GRM1: variants seen among roughly 807,000 people sequenced by gnomAD.
GRM1 encodes the protein glutamate metabotropic receptor 1, also known as metabotropic glutamate receptor 1.
In GRM1, 33 loss-of-function variants were observed where a neutral mutation model predicts 90.9. The observed-to-expected ratio is 0.36, with a 90% CI of 0.28 to 0.49. The LOEUF is 0.49. Among genes scored for constraint, GRM1 ranks in the 20% least tolerant of loss-of-function variants. The pLI is 0.99. For missense variants in GRM1, 1,190 were observed against 1,534.3 expected (o/e 0.78, Z 3.75); for synonymous variants, 700 against 613.2 (o/e 1.14, Z -2.09).
intron 5 of GRM1, among the ~76,000 whole-genome samples, chr6:146,386,053 A>G (rs1000194188): frequency 6.6e-6 from 1 of 152,124 alleles, no homozygotes; most frequent in African/African-American, 2.4e-5. Flanking sequence ...GTATTTAACC[A>G]TACTGATTAT....
At chr6:146,389,733 A>G (rs982931669) in intron 6 of GRM1, among the ~76,000 whole-genome samples, 6 of 152,152 alleles carry the variant, frequency 3.9e-5, no homozygotes, top group Non-Finnish European at 8.8e-5. Context: ...AACAACAGGC[A>G]TGCAGCTGCG....
intron 2 of GRM1, among the ~76,000 whole-genome samples, chr6:146,298,387 G>A (rs1783260726): frequency 6.6e-6 from 1 of 152,100 alleles, no homozygotes; most frequent in Non-Finnish European, 1.5e-5. Flanking sequence ...AAAAATAGGT[G>A]GTAATAGAAA....
intron 2 of GRM1, among the ~76,000 whole-genome samples, chr6:146,229,481 G>A (rs1444401623): frequency 6.6e-6 from 1 of 151,328 alleles, no homozygotes; most frequent in Non-Finnish European, 1.5e-5. Flanking sequence ...GCATGAGCTG[G>A]AGCTGTTGTG....
At chr6:146,214,130 G>A (rs1415967394) in intron 2 of GRM1, among the ~76,000 whole-genome samples, 2 of 152,048 alleles carry the variant, frequency 1.3e-5, no homozygotes, top group African/African-American at 4.8e-5. Flanking sequence ...CTTCCCCCAG[G>A]CAGTCCTCTC....
chr6:146,416,554 T>C (rs1012100874), intron 7 of GRM1, among the ~76,000 whole-genome samples: 12 of 152,332 alleles, frequency 7.9e-5, no homozygotes, highest in Non-Finnish European at 1.6e-4. Flanking sequence ...TTCATTTCTA[T>C]ACATATTTTA....
intron 5 of GRM1, among the ~76,000 whole-genome samples, chr6:146,386,290 G>A (rs1776498918): frequency 2.0e-5 from 3 of 152,040 alleles, no homozygotes; most frequent in Admixed American, 2.0e-4. Context: ...TTTTGAACTA[G>A]TAATTTTGCT....
intron 1 of GRM1, among the ~76,000 whole-genome samples, chr6:146,086,811 T>C (rs977975113): frequency 9.2e-5 from 14 of 152,084 alleles, no homozygotes; most frequent in African/African-American, 2.9e-4. Context: ...TAGCCAGGGA[T>C]AGTAGTCATT....
At chr6:146,081,359 C>T (rs1776358945) in intron 1 of GRM1, among the ~76,000 whole-genome samples, 1 of 152,138 alleles carries the variant, frequency 6.6e-6, no homozygotes, top group African/African-American at 2.4e-5. Context: ...CAGACTGGGT[C>T]ATGTTTGAGA....
At chr6:146,179,737 G>A (rs1216446265) in intron 2 of GRM1, among the ~76,000 whole-genome samples, 4 of 152,144 alleles carry the variant, frequency 2.6e-5, no homozygotes, top group South Asian at 2.1e-4. Flanking sequence ...GGATAGTCTC[G>A]ATCTCCTGAC....
intron 1 of GRM1, among the ~76,000 whole-genome samples, chr6:146,154,095 TA>T (rs1777435557): frequency 6.6e-6 from 1 of 152,224 alleles, no homozygotes; most frequent in South Asian, 2.1e-4. Context: ...TTATTAGGTT[TA>T]AAACACAAGG....
chr6:146,169,574 C>T (rs1478897019), intron 2 of GRM1, among the ~76,000 whole-genome samples: 1 of 152,128 alleles, frequency 6.6e-6, no homozygotes, highest in East Asian at 1.9e-4. Context: ...CCACTTTTCT[C>T]CTTTTTGGTA....
intron 2 of GRM1, among the ~76,000 whole-genome samples, chr6:146,213,655 A>G (rs1779754631): frequency 6.6e-6 from 1 of 152,056 alleles, no homozygotes; most frequent in Admixed American, 6.6e-5. Context: ...AGAAAGAACC[A>G]ATAGGAGATA....
intron 2 of GRM1, among the ~76,000 whole-genome samples, chr6:146,199,320 T>C (rs996574946): frequency 6.6e-6 from 1 of 152,190 alleles, no homozygotes; most frequent in African/African-American, 2.4e-5. Flanking sequence ...ACATTCAGCA[T>C]TGGTCATTGC....
At chr6:146,178,560 A>G (rs1778420595) in intron 2 of GRM1, among the ~76,000 whole-genome samples, 1 of 152,204 alleles carries the variant, frequency 6.6e-6, no homozygotes, top group South Asian at 2.1e-4. Context: ...TGTGCATGAA[A>G]CAAAGTTTGT....
At chr6:146,338,525 G>A (rs1784858762) in intron 3 of GRM1, among the ~76,000 whole-genome samples, 2 of 152,162 alleles carry the variant, frequency 1.3e-5, no homozygotes, top group Non-Finnish European at 2.9e-5. Context: ...GGACTCATGA[G>A]CTTATGTATG....
intron 1 of GRM1, among the ~76,000 whole-genome samples, chr6:146,127,279 A>G (rs1160428605): frequency 6.6e-6 from 1 of 152,218 alleles, no homozygotes; most frequent in African/African-American, 2.4e-5. Context: ...GAGAGGGGTT[A>G]TGTACCTGAA....
intron 3 of GRM1, among the ~76,000 whole-genome samples, chr6:146,319,836 G>A (rs530329888): frequency 6.6e-6 from 1 of 152,316 alleles, no homozygotes; most frequent in East Asian, 1.9e-4. Context: ...CTTTGCTAAA[G>A]TTGCTTATCA....
rs112670841 is a variant in GRM1, at chr6:146,030,141, C to T, written c.624C>T (p.Asp208=). 5,244 of 1,614,122 alleles carry T rather than the reference C, an allele frequency of 3.2e-3. 118 individuals are homozygous for T. The East Asian group carries it at 0.065, about 20-fold the overall frequency. Residue 208 remains aspartate, a synonymous_variant, in exon 1 of 8, where the codon GAC becomes GAT. Transcript: ENST00000282753. ...YKYFLRVVPS[D]TLQARAMLDI... Reference sequence around the variant, plus strand: ...ACTTCCTGAGGGTTGTCCCTTCTGACACTTTGCAGGCAAGGGCCATGCTTG... The same window carrying T: ...ACTTCCTGAGGGTTGTCCCTTCTGATACTTTGCAGGCAAGGGCCATGCTTG...
chr6:146,362,043 T>C (rs1050859822), intron 5 of GRM1, among the ~76,000 whole-genome samples: 3 of 152,214 alleles, frequency 2.0e-5, no homozygotes, highest in Non-Finnish European at 1.5e-5. Flanking sequence ...TTGATTTCAC[T>C]GGCCTCCTGT....
Sources: allele counts gnomAD v4.1 joint callset (sites outside exome capture counted in the v4.1 genomes callset), GRCh38; gene constraint gnomAD v4.1.1; transcripts MANE v1.5; gene names NCBI Gene and HGNC (gene_info 2026-07-23, HGNC 2026-07-21).